The following MBNL1 variants were observed in gnomAD, a reference collection of about 807,000 sequenced individuals.
MBNL1 encodes the protein muscleblind-like protein 1.
Under a neutral mutation model 42.2 loss-of-function variants are expected in MBNL1, and 8 were observed. That is an observed-to-expected ratio of 0.19 (90% CI 0.11 to 0.34). The LOEUF (loss-of-function observed/expected upper bound fraction) is 0.34, where lower values mean the gene tolerates loss of function less well. MBNL1 is among the 10% of genes least tolerant of loss of function. MBNL1 has a pLI of 1.00. For synonymous variants in MBNL1, 169 were observed against 173.9 expected (o/e 0.97, Z 0.22); for missense variants, 309 against 495.3 (o/e 0.62, Z 3.57).
At chr3:152,335,983 C>T (rs140363586) in intron 2 of MBNL1, among the ~76,000 whole-genome samples, 1,683 of 152,252 alleles carry the variant, frequency 0.011, 12 homozygotes, top group Non-Finnish European at 0.019. Context: ...ACATGTGGCA[C>T]TACCGGACAG....
intron 2 of MBNL1, among the ~76,000 whole-genome samples, chr3:152,309,042 T>C (rs2064860897): frequency 6.6e-6 from 1 of 151,974 alleles, no homozygotes; most frequent in Non-Finnish European, 1.5e-5. Flanking sequence ...GTGGCGGCAA[T>C]GGTTAGGAGG....
At chr3:152,277,616 A>G (rs1438264530) in intron 1 of MBNL1, among the ~76,000 whole-genome samples, 1 of 152,144 alleles carries the variant, frequency 6.6e-6, no homozygotes, top group Admixed American at 6.6e-5. Flanking sequence ...TATCTGGAGT[A>G]GGAGGATAGT....
chr3:152,246,092 T>C (rs1267909236), intron 2 of MBNL1, among the ~76,000 whole-genome samples: 4 of 152,118 alleles, frequency 2.6e-5, no homozygotes, highest in Non-Finnish European at 5.9e-5. Context: ...TCTAAAAATA[T>C]AAAAATAAAG....
Position 152,259,190 on chromosome 3 carries a change from C to T in MBNL1, n.333+14750C>T, listed in dbSNP as rs139925901. ...AAGTAGGAAAGTGCTTTTGCAGAAG[C>T]GTGGGAGTCTTAAAGCTGTAGAAGG... On this transcript the variant is annotated intron_variant and non_coding_transcript_variant, in intron 2 of 2. Coordinates refer to the MBNL1 transcript ENST00000477171. Among the ~76,000 whole-genome samples the T allele has an allele frequency of 2.0e-3, 303 of 152,236 alleles. 4 individuals are homozygous for T. The highest frequency in any genetic ancestry group is 6.7e-3 in the African/African-American group (278 of 41,550).
At chr3:152,457,646 T>C (rs1004132110) in intron 8 of MBNL1, 1 of 153,158 alleles carries the variant, frequency 6.5e-6, no homozygotes, top group Non-Finnish European at 1.5e-5. Flanking sequence ...GTCAGACTCA[T>C]TTACAAGAAT....
At chr3:152,378,097 G>A (rs917490068) in intron 2 of MBNL1, among the ~76,000 whole-genome samples, 1 of 152,112 alleles carries the variant, frequency 6.6e-6, no homozygotes, top group Non-Finnish European at 1.5e-5. Context: ...TGTGCTTTGA[G>A]AAGCCAAGGC....
intron 4 of MBNL1, among the ~76,000 whole-genome samples, chr3:152,437,529 T>C (rs2099094814): frequency 6.6e-6 from 1 of 152,172 alleles, no homozygotes; most frequent in Non-Finnish European, 1.5e-5. Context: ...CACCAGATAA[T>C]CTCTAAGGTC....
At chr3:152,270,419 G>A (rs1226282703) in intron 1 of MBNL1, among the ~76,000 whole-genome samples, 1 of 152,168 alleles carries the variant, frequency 6.6e-6, no homozygotes, top group Admixed American at 6.5e-5. Context: ...CACAGTGTCT[G>A]TTTATACACA....
intron 2 of MBNL1, among the ~76,000 whole-genome samples, chr3:152,395,812 G>A (rs926862615): frequency 6.6e-6 from 1 of 152,200 alleles, no homozygotes; most frequent in Non-Finnish European, 1.5e-5. Flanking sequence ...GTTGCCTAGC[G>A]GGAATGTTCA....
intron 2 of MBNL1, among the ~76,000 whole-genome samples, chr3:152,359,531 C>T (rs892325923): frequency 2.0e-5 from 3 of 152,072 alleles, no homozygotes; most frequent in Non-Finnish European, 2.9e-5. Context: ...TTAAAGCTAC[C>T]TAAGTGAAAT....
At chr3:152,360,727 A>G (rs1360448177) in intron 2 of MBNL1, among the ~76,000 whole-genome samples, 2 of 152,146 alleles carry the variant, frequency 1.3e-5, no homozygotes, top group African/African-American at 2.4e-5. Context: ...CAAAAATTAT[A>G]ATACTAGTAT....
intron 2 of MBNL1, among the ~76,000 whole-genome samples, chr3:152,341,668 G>C (rs1473680834): frequency 2.0e-5 from 3 of 152,282 alleles, no homozygotes; most frequent in African/African-American, 7.2e-5. Flanking sequence ...AATTGAGATT[G>C]AGTAATGTCA....
chr3:152,304,946 C>T (rs1007563412), intron 2 of MBNL1, among the ~76,000 whole-genome samples: 3 of 152,132 alleles, frequency 2.0e-5, no homozygotes, highest in African/African-American at 4.8e-5. Flanking sequence ...TCGAATCAAG[C>T]TACCTGCTGC....
At position 152,432,837 on chromosome 3, in the gene MBNL1, T is replaced by C; in HGVS notation, c.466T>C (p.Leu156=). Residue 156 remains leucine, a synonymous_variant, in exon 4 of 10, where the codon TTG becomes CTG. Transcript: ENST00000324210. ...PAEILPTAPM[L]VTGNPGVPVP... ...AGAGATCTTGCCGACTGCACCAATG[T>C]TGGTTACAGGGAATCCGGGTGTCCC... 6.2e-7 allele frequency: 1 copy of C among 1,614,196 alleles called. No homozygotes were observed. The highest frequency in any genetic ancestry group is 1.3e-5 in the African/African-American group (1 of 75,048).
intron 6 of MBNL1, among the ~76,000 whole-genome samples, chr3:152,448,117 C>T (rs941918361): frequency 2.0e-4 from 31 of 152,002 alleles, no homozygotes; most frequent in African/African-American, 7.5e-4. Flanking sequence ...ACCCCTTTGC[C>T]TTCATTATTC....
chr3:152,289,555 T>G (rs1204681775), intron 1 of MBNL1, among the ~76,000 whole-genome samples: 1 of 151,622 alleles, frequency 6.6e-6, no homozygotes, highest in Non-Finnish European at 1.5e-5. Flanking sequence ...AACATTATTC[T>G]TGTTTGTGAG....
rs370964145 is a variant in MBNL1, at chr3:152,449,538, T to C, written c.961+1765T>C. On this transcript the variant is annotated intron_variant, in intron 6 of 9. Transcript: ENST00000324210. ...TTTTTTCTAAATAAGTATAACCAATTACATGGTATGATGACCCTTACTTGT... is the reference window on the plus strand; with the variant it reads ...TTTTTTCTAAATAAGTATAACCAATCACATGGTATGATGACCCTTACTTGT... Among the ~76,000 whole-genome samples, 8 of 152,266 alleles carry C rather than the reference T, an allele frequency of 5.3e-5. No individual in the cohort carries two copies. The East Asian group carries it at 9.6e-4, about 18-fold the overall frequency.
chr3:152,464,916 A>G lies in MBNL1; in HGVS notation c.*2550A>G, dbSNP rs1384065230. On this transcript the variant is annotated 3_prime_UTR_variant, in exon 10 of 10. Transcript: ENST00000324210. ...AAGGAGTTTTGTTAAGGCTAATACAATGACAGACTGAGCAAAATTGCTTGC... is the reference window on the plus strand; with the variant it reads ...AAGGAGTTTTGTTAAGGCTAATACAGTGACAGACTGAGCAAAATTGCTTGC... 6.6e-6 allele frequency: 1 copy of G among 152,640 alleles called. No individual in the cohort carries two copies. Among genetic ancestry groups the G allele is most frequent in the African/African-American group, 2.4e-5 (1 of 41,456 alleles). The allele number at this position is 152,640 out of a possible 1,614,324, so 9.5% of individuals were successfully genotyped here. A position where few individuals can be genotyped will look rare whatever the true frequency, so the allele number is the denominator to read the frequency against.
rs1179848190 is a variant in MBNL1 at position 152,432,913 on chromosome 3, G to A, written c.542G>A (p.Arg181Lys). Residue 181 changes from arginine (R) to lysine (K), a missense_variant, in exon 4 of 10, where the codon AGA (arginine) becomes AAA (lysine). Transcript: ENST00000324210. ...GCACAGAAATTAATGCGAACAGACAGACTTGAGGTAGGAATGACTAGTTGG... is the reference window on the plus strand; with the variant it reads ...GCACAGAAATTAATGCGAACAGACAAACTTGAGGTAGGAATGACTAGTTGG... The part of the protein sequence containing the change: ...AAAQKLMRTD[R>K]LEVCREYQRG... 6.2e-7 allele frequency: 1 copy of A among 1,611,554 alleles called. No individual in the cohort carries two copies. The highest frequency in any genetic ancestry group is 1.1e-5 in the South Asian group (1 of 90,964).
Sources: allele counts gnomAD v4.1 joint callset (sites outside exome capture counted in the v4.1 genomes callset), GRCh38; gene constraint gnomAD v4.1.1; transcripts MANE v1.5; gene names NCBI Gene and HGNC (gene_info 2026-07-23, HGNC 2026-07-21).